TMEM132C: variants seen among roughly 807,000 people sequenced by gnomAD.
TMEM132C encodes protein phosphatase 1, regulatory subunit 152.
In TMEM132C, 29 loss-of-function variants were observed where a neutral mutation model predicts 61.4. The observed-to-expected ratio is 0.47, with a 90% CI of 0.35 to 0.64. The LOEUF (loss-of-function observed/expected upper bound fraction) is 0.64. TMEM132C is among the 30% of genes least tolerant of loss of function. The pLI, the probability that TMEM132C is intolerant of heterozygous loss-of-function variation, is 0.00. For synonymous variants in TMEM132C, 656 were observed against 633.1 expected (o/e 1.04, Z -0.54); for missense variants, 1,408 against 1,476.9 (o/e 0.95, Z 0.76).
At chr12:128,597,496 A>G (rs201294648) in intron 3 of TMEM132C, among the ~76,000 whole-genome samples, 1,997 of 149,440 alleles carry the variant, frequency 0.013, 59 homozygotes, top group African/African-American at 0.047. Context: ...AAGGAAGGAA[A>G]GAAGGAAGGA....
At chr12:128,301,949 A>G (rs568560102) in intron 1 of TMEM132C, among the ~76,000 whole-genome samples, 8 of 152,372 alleles carry the variant, frequency 5.3e-5, no homozygotes, top group Admixed American at 2.6e-4. Context: ...GAAACCACTT[A>G]TAAAACCATC....
In TMEM132C at chr12:128,676,609, A is replaced by G. The variant is rs189273638; in HGVS notation, c.1449+7049A>G. 2.1e-4 allele frequency among the ~76,000 whole-genome samples: 32 copies of G among 152,342 alleles called. 1 individual carries two copies. In the East Asian group the frequency reaches 2.1e-3, roughly 10 times the overall value. On this transcript the variant is annotated intron_variant, in intron 5 of 8. Transcript: ENST00000435159. Reference sequence around the variant, plus strand: ...ATACAGATAATTTTTAAAGAATAAGATATCATACATACTGTTTTTGTTAAC... The same window carrying G: ...ATACAGATAATTTTTAAAGAATAAGGTATCATACATACTGTTTTTGTTAAC...
At chr12:128,531,670 T>C (rs1028204502) in intron 2 of TMEM132C, among the ~76,000 whole-genome samples, 1 of 152,276 alleles carries the variant, frequency 6.6e-6, no homozygotes, top group East Asian at 1.9e-4. Context: ...CACTGGAGTC[T>C]TTTTTATGGC....
intron 1 of TMEM132C, among the ~76,000 whole-genome samples, chr12:128,327,549 A>AT (rs1273981509): frequency 6.6e-6 from 1 of 151,726 alleles, no homozygotes; most frequent in Non-Finnish European, 1.5e-5. Context: ...TGCCCGGCTA[A>AT]TTTTTTTATA....
At chr12:128,647,940 G>T (rs546323483) in intron 4 of TMEM132C, among the ~76,000 whole-genome samples, 19 of 149,682 alleles carry the variant, frequency 1.3e-4, no homozygotes, top group African/African-American at 4.3e-4. Context: ...GGATGAGTGT[G>T]TTTACTGGAG....
chr12:128,492,374 G>C (rs1871769353), intron 2 of TMEM132C, among the ~76,000 whole-genome samples: 1 of 152,164 alleles, frequency 6.6e-6, no homozygotes, highest in Non-Finnish European at 1.5e-5. Context: ...CCAGTAATGG[G>C]ATCGCTGGGT....
rs74452704 is a variant in TMEM132C at position 128,401,938 on chromosome 12, A to C, written c.86-12794A>C. ...TTACATCCCTATCGCCAGAGGCTGC[A>C]AATATGTGACCTGCATGGGGAAAGG... On this transcript the variant is annotated intron_variant, in intron 1 of 8. Transcript: ENST00000435159. 7.0e-4 allele frequency among the ~76,000 whole-genome samples: 107 copies of C among 152,294 alleles called. 1 individual carries two copies. Among genetic ancestry groups the C allele is most frequent in the African/African-American group, 2.5e-3 (105 of 41,552 alleles).
At chr12:128,583,433 AGT>A (rs1875422663) in intron 3 of TMEM132C, among the ~76,000 whole-genome samples, 1 of 152,094 alleles carries the variant, frequency 6.6e-6, no homozygotes, top group Non-Finnish European at 1.5e-5. Context: ...TTTTGAGCTA[AGT>A]ACTGAAGAAA....
chr12:128,583,392 CA>C (rs11327866), intron 3 of TMEM132C, among the ~76,000 whole-genome samples: 52,327 of 130,066 alleles, frequency 0.4, 9,796 homozygotes, highest in South Asian at 0.56. Context: ...GAATATTGGT[CA>C]AAAAAAAAAA....
intron 3 of TMEM132C, among the ~76,000 whole-genome samples, chr12:128,544,929 C>G (rs887330036): frequency 6.6e-5 from 10 of 152,104 alleles, no homozygotes; most frequent in Non-Finnish European, 1.2e-4. Context: ...ACCAACCATG[C>G]CTGTATTTTA....
At chr12:128,459,698 G>T (rs570505522) in intron 2 of TMEM132C, among the ~76,000 whole-genome samples, 1 of 151,756 alleles carries the variant, frequency 6.6e-6, no homozygotes. Context: ...CAGCCTGGCC[G>T]AGATGGTGAA....
intron 4 of TMEM132C, among the ~76,000 whole-genome samples, chr12:128,629,436 ACTC>A (rs1430486353): frequency 1.3e-5 from 2 of 152,046 alleles, no homozygotes; most frequent in African/African-American, 4.8e-5. Context: ...GTACCATTGT[ACTC>A]CTGCCTAGGC....
chr12:128,451,133 G>A (rs1870162403), intron 2 of TMEM132C, among the ~76,000 whole-genome samples: 1 of 152,072 alleles, frequency 6.6e-6, no homozygotes, highest in South Asian at 2.1e-4. Flanking sequence ...GTTCTTTGCT[G>A]TTTACTTTTG....
chr12:128,659,669 T>G (rs911363060), intron 4 of TMEM132C, among the ~76,000 whole-genome samples: 2 of 152,172 alleles, frequency 1.3e-5, no homozygotes, highest in African/African-American at 4.8e-5. Flanking sequence ...TGGCTACAGA[T>G]GGAAGGAAGG....
chr12:128,324,151 G>A (rs1872429522), intron 1 of TMEM132C, among the ~76,000 whole-genome samples: 2 of 152,330 alleles, frequency 1.3e-5, no homozygotes, highest in South Asian at 4.1e-4. Context: ...CACGTGGCAA[G>A]CAGCCTGTCT....
chr12:128,456,631 CTCTTG>C (rs1870354434), intron 2 of TMEM132C, among the ~76,000 whole-genome samples: 2 of 151,882 alleles, frequency 1.3e-5, no homozygotes, highest in African/African-American at 4.8e-5. Context: ...CAGTTGCAAA[CTCTTG>C]TGCTCAAGTG....
At chr12:128,481,921 C>T (rs1871326840) in intron 2 of TMEM132C, among the ~76,000 whole-genome samples, 1 of 152,118 alleles carries the variant, frequency 6.6e-6, no homozygotes, top group African/African-American at 2.4e-5. Context: ...AACCCTGGAG[C>T]ATGTGGAAGG....
chr12:128,417,011 C>T (rs1030162713), intron 2 of TMEM132C, among the ~76,000 whole-genome samples: 2 of 152,088 alleles, frequency 1.3e-5, no homozygotes, highest in Middle Eastern at 3.2e-3. Flanking sequence ...TCGCTGTCAG[C>T]GTATCGGCGG....
chr12:128,611,413 C>T (rs1202772960), intron 3 of TMEM132C, among the ~76,000 whole-genome samples: 2 of 151,958 alleles, frequency 1.3e-5, no homozygotes, highest in Non-Finnish European at 2.9e-5. Context: ...TGTTGGAGGC[C>T]TAATGTTGAC....
Sources: gnomAD v4.1 joint callset for allele counts (sites outside exome capture counted in the v4.1 genomes callset) on GRCh38, gnomAD v4.1.1 for gene constraint, MANE v1.5 for transcripts, NCBI Gene and HGNC (gene_info 2026-07-23, HGNC 2026-07-21) for gene names.